Variants in PPP1R12B observed in about 807,000 individuals in gnomAD.
PPP1R12B encodes myosin phosphatase target subunit 2.
Under a neutral mutation model 126.1 loss-of-function variants are expected in PPP1R12B, and 76 were observed. The observed-to-expected ratio is 0.60, with a 90% CI of 0.50 to 0.73. The LOEUF (loss-of-function observed/expected upper bound fraction) is 0.73, where lower values mean the gene tolerates loss of function less well. Among genes scored for constraint, PPP1R12B ranks in the 30% least tolerant of loss-of-function variants. The probability of loss-of-function intolerance (pLI) is 0.00; values close to 1 mark genes in which losing one functional copy is unlikely to be tolerated. For missense variants in PPP1R12B, 1,052 were observed against 1,205.1 expected (o/e 0.87, Z 1.88); for synonymous variants, 356 against 434.7 (o/e 0.82, Z 2.25).
chr1:202,591,711 T>TC lies in PPP1R12B; in HGVS notation c.*11153dup, dbSNP rs1690126239. 1 of 152,676 alleles carries TC rather than the reference T, an allele frequency of 6.5e-6. No individual in the cohort carries two copies. 9.5% of individuals were successfully genotyped at this position (152,676 alleles called of 1,614,324 possible). A position where few individuals can be genotyped will look rare whatever the true frequency, so the allele number is the denominator to read the frequency against. On this transcript the variant is annotated 3_prime_UTR_variant, in exon 24 of 24. Transcript: ENST00000608999. ...ATTCACCGGCCTCTCCCTGAGTCCC[T>TC]CCTCCATCACCACCCACAGACCCTC...
At chr1:202,497,665 A>G (rs1024248134) in intron 18 of PPP1R12B, among the ~76,000 whole-genome samples, 3 of 152,222 alleles carry the variant, frequency 2.0e-5, no homozygotes, top group Non-Finnish European at 2.9e-5. Context: ...GTAGCCTTCT[A>G]GAAAGTAGTG....
chr1:202,567,380 C>CTTTTTTTTTTT (rs35011066), intron 21 of PPP1R12B: 2 of 147,812 alleles, frequency 1.4e-5, no homozygotes, highest in Non-Finnish European at 2.9e-5. Context: ...AAAGAAAAGC[C>CTTTTTTTTTTT]TTTTTTTTTT....
intron 1 of PPP1R12B, among the ~76,000 whole-genome samples, chr1:202,372,627 G>A (rs1660485127): frequency 6.6e-6 from 1 of 152,030 alleles, no homozygotes; most frequent in Admixed American, 6.6e-5. Flanking sequence ...CAAAAAAATA[G>A]CTGGGCATGG....
At chr1:202,556,021 A>AT (rs1686893533) in intron 18 of PPP1R12B, among the ~76,000 whole-genome samples, 1 of 151,926 alleles carries the variant, frequency 6.6e-6, no homozygotes, top group Non-Finnish European at 1.5e-5. Context: ...GACTACAAGC[A>AT]TGTGCCACCA....
chr1:202,481,208 G>A (rs1163897706), intron 13 of PPP1R12B, among the ~76,000 whole-genome samples: 4 of 152,146 alleles, frequency 2.6e-5, no homozygotes, highest in Non-Finnish European at 5.9e-5. Context: ...TTCCTAACAC[G>A]CCACAGATCA....
At chr1:202,520,822 A>T (rs981911778) in intron 18 of PPP1R12B, among the ~76,000 whole-genome samples, 3 of 152,224 alleles carry the variant, frequency 2.0e-5, no homozygotes, top group African/African-American at 7.2e-5. Context: ...TAAAGGTTTT[A>T]AAAAATACAT....
At chr1:202,491,258 C>T (rs1266670463) in intron 14 of PPP1R12B, among the ~76,000 whole-genome samples, 1 of 152,076 alleles carries the variant, frequency 6.6e-6, no homozygotes, top group African/African-American at 2.4e-5. Context: ...AAGCAATTCT[C>T]CTGCCTCAGC....
intron 18 of PPP1R12B, among the ~76,000 whole-genome samples, chr1:202,498,730 A>C (rs373366376): frequency 1.3e-5 from 2 of 152,130 alleles, no homozygotes; most frequent in South Asian, 4.1e-4. Context: ...CTCCATTTTC[A>C]TCCTTCAGGC....
chr1:202,496,062 A>G (rs1679520236), intron 17 of PPP1R12B, among the ~76,000 whole-genome samples: 1 of 152,244 alleles, frequency 6.6e-6, no homozygotes, highest in Non-Finnish European at 1.5e-5. Context: ...GCCACATATG[A>G]GCAGAGATTC....
chr1:202,399,415 C>T (rs1417718830), intron 1 of PPP1R12B, among the ~76,000 whole-genome samples: 1 of 151,718 alleles, frequency 6.6e-6, no homozygotes, highest in Non-Finnish European at 1.5e-5. Context: ...GAGATGAGGG[C>T]TCATTTTGTT....
chr1:202,439,208 TGC>T, intron 10 of PPP1R12B: 2 of 1,462,382 alleles, frequency 1.4e-6, no homozygotes, highest in South Asian at 2.3e-5. Context: ...CGCAGCCCTG[TGC>T]TCCTGCAGCC....
chr1:202,493,258 G>A lies in PPP1R12B; in HGVS notation c.2086G>A (p.Val696Ile). 1.2e-6 allele frequency: 2 copies of A among 1,612,954 alleles called. No homozygotes were observed. Among genetic ancestry groups the A allele is most frequent in the Admixed American group, 1.7e-5 (1 of 60,000 alleles). Residue 696 changes from valine (V) to isoleucine (I), a missense_variant, in exon 15 of 24, where the codon GTT becomes ATT. By Grantham distance (29) the Val-to-Ile change is conservative. Transcript: ENST00000608999. ...CCCTGAGAAGCATGAGCCCTCAGCA[G>A]TTCCAGCAACAGAAGCTGGGGAGGG... ...GSPEKHEPSA[V>I]PATEAGEGQQ...
At chr1:202,445,131 A>G (rs1333086014) in intron 12 of PPP1R12B, 10 of 1,246,926 alleles carry the variant, frequency 8.0e-6, no homozygotes, top group Admixed American at 4.2e-5. Context: ...ACCCATTACC[A>G]TTGGTTCATC....
chr1:202,349,859 G>A (rs1655619875), intron 1 of PPP1R12B, among the ~76,000 whole-genome samples: 1 of 151,868 alleles, frequency 6.6e-6, no homozygotes, highest in Admixed American at 6.6e-5. Flanking sequence ...GAAATCCCAT[G>A]CCCCATGTAT....
chr1:202,431,276 G>T (rs963402556), intron 7 of PPP1R12B, among the ~76,000 whole-genome samples: 1 of 152,128 alleles, frequency 6.6e-6, no homozygotes, highest in African/African-American at 2.4e-5. Flanking sequence ...TGTTAAGCAG[G>T]CCAGATTTCC....
At chr1:202,449,666 CACTT>C (rs1189754693) in intron 13 of PPP1R12B, among the ~76,000 whole-genome samples, 2 of 151,828 alleles carry the variant, frequency 1.3e-5, no homozygotes, top group Admixed American at 6.6e-5. Flanking sequence ...TTAGCATAGA[CACTT>C]AACGCCGTTA....
intron 18 of PPP1R12B, among the ~76,000 whole-genome samples, chr1:202,503,998 C>G (rs1413436935): frequency 6.6e-6 from 1 of 152,118 alleles, no homozygotes; most frequent in Non-Finnish European, 1.5e-5. Flanking sequence ...CTATTAATTA[C>G]CATGTCTGCA....
chr1:202,517,686 C>A (rs571854082), intron 18 of PPP1R12B, among the ~76,000 whole-genome samples: 1 of 151,390 alleles, frequency 6.6e-6, no homozygotes, highest in Admixed American at 6.6e-5. Context: ...AGTGTCATGG[C>A]GTGATCTCGG....
intron 1 of PPP1R12B, among the ~76,000 whole-genome samples, chr1:202,362,886 T>A (rs1160099926): frequency 6.6e-6 from 1 of 152,106 alleles, no homozygotes; most frequent in African/African-American, 2.4e-5. Context: ...CAGGCTGGAG[T>A]GCAATGGCAC....
Sources: allele counts gnomAD v4.1 joint callset (sites outside exome capture counted in the v4.1 genomes callset), GRCh38; gene constraint gnomAD v4.1.1; transcripts MANE v1.5; gene names NCBI Gene and HGNC (gene_info 2026-07-23, HGNC 2026-07-21).